SARNP: variants seen among roughly 807,000 people sequenced by gnomAD.
The protein encoded by SARNP is SAP domain-containing ribonucleoprotein.
In SARNP, 5 loss-of-function variants were observed where a neutral mutation model predicts 38.1. That is an observed-to-expected ratio of 0.13 (90% CI 0.07 to 0.28). The LOEUF (loss-of-function observed/expected upper bound fraction) is 0.28. Among genes scored for constraint, SARNP ranks in the 10% least tolerant of loss-of-function variants. The pLI, the probability that SARNP is intolerant of heterozygous loss-of-function variation, is 1.00. For missense variants in SARNP, 180 were observed against 243.9 expected (o/e 0.74, Z 1.75); for synonymous variants, 84 against 80.6 (o/e 1.04, Z -0.23).
chr12:55,800,826 G>A (rs752373390), intron 3 of SARNP, 28 bp downstream of exon 3: 12 of 1,596,852 alleles, frequency 7.5e-6, no homozygotes, highest in Non-Finnish European at 1.0e-5. Context: ...CACATTACCA[G>A]AGACTAACCT....
intron 9 of SARNP, among the ~76,000 whole-genome samples, chr12:55,772,875 C>T (rs971669439): frequency 6.6e-6 from 1 of 151,988 alleles, no homozygotes; most frequent in Non-Finnish European, 1.5e-5. Flanking sequence ...ACACCACGCC[C>T]GGCTAATTTT....
chr12:55,809,834 T>A (rs1880273099), intron 1 of SARNP, among the ~76,000 whole-genome samples: 1 of 152,142 alleles, frequency 6.6e-6, no homozygotes, highest in African/African-American at 2.4e-5. Context: ...CATCTCTGTA[T>A]AATGTGTATA....
In SARNP at chr12:55,772,802, C is replaced by T. The variant is rs139327209; in HGVS notation, c.502-12162G>A. On this transcript the variant is annotated intron_variant, in intron 9 of 10. Coordinates refer to ENST00000336133, the MANE Select transcript of SARNP (RefSeq NM_033082.4). ...TGATCTCAGCTCACCACAACCTTCA[C>T]CTCCCGGGTTCAAGTGATTCTCCTG... Among the ~76,000 whole-genome samples the T allele has an allele frequency of 6.4e-3, 962 of 150,768 alleles. 15 individuals are homozygous for T. The highest frequency in any genetic ancestry group is 0.022 in the African/African-American group (906 of 40,830).
At chr12:55,772,712 CTTT>C (rs11428581) in intron 9 of SARNP, among the ~76,000 whole-genome samples, 4 of 130,228 alleles carry the variant, frequency 3.1e-5, no homozygotes, top group African/African-American at 2.9e-5. Context: ...GAAGCTGAAA[CTTT>C]TTTTTTTTTT....
In SARNP at chr12:55,811,632, A is replaced by T. The variant is rs537898959; in HGVS notation, c.36+6034T>A. On this transcript the variant is annotated intron_variant, in intron 1 of 10. Coordinates refer to ENST00000336133, the MANE Select transcript of SARNP (RefSeq NM_033082.4). ...ACCACAGCTTGTAAATAGTAGACCA[A>T]TATGCCAGCTCAAGTGTCTCTGATT... 5.9e-5 allele frequency among the ~76,000 whole-genome samples: 9 copies of T among 152,316 alleles called. No individual in the cohort carries two copies. In the South Asian group the frequency reaches 1.7e-3, roughly 28 times the overall value.
chr12:55,795,927 T>G (rs1351262632), intron 5 of SARNP, 98 bp downstream of exon 5: 4 of 859,368 alleles, frequency 4.7e-6, no homozygotes, highest in Non-Finnish European at 3.7e-6. Context: ...ACTGATTTTC[T>G]GCCTGTGAAT....
chr12:55,799,916 A>G (rs1415974820), intron 4 of SARNP, among the ~76,000 whole-genome samples: 1 of 150,454 alleles, frequency 6.6e-6, no homozygotes, highest in Non-Finnish European at 1.5e-5. Flanking sequence ...TGGGCCGGGC[A>G]CGGTGGCTCA....
chr12:55,792,169 G>A (rs769609955), intron 7 of SARNP, among the ~76,000 whole-genome samples: 15 of 151,930 alleles, frequency 9.9e-5, no homozygotes, highest in Non-Finnish European at 1.8e-4. Context: ...ATGCAACTAA[G>A]AGCCAGAAAA....
At chr12:55,787,555 GC>G (rs1210193609) in intron 9 of SARNP, among the ~76,000 whole-genome samples, 5 of 151,886 alleles carry the variant, frequency 3.3e-5, no homozygotes, top group African/African-American at 7.3e-5. Flanking sequence ...TCCCACCTCA[GC>G]CCCCCAAGTA....
chr12:55,817,273 C>A (rs1166992773), intron 1 of SARNP, among the ~76,000 whole-genome samples: 1 of 152,076 alleles, frequency 6.6e-6, no homozygotes, highest in African/African-American at 2.4e-5. Context: ...CAGCTTCGGA[C>A]GACAGACTGG....
chr12:55,770,219 T>A (rs148502743), intron 9 of SARNP, among the ~76,000 whole-genome samples: 1,518 of 151,266 alleles, frequency 0.01, 14 homozygotes, highest in Non-Finnish European at 0.017. Context: ...CATCAGGTTA[T>A]AACTAGAATT....
chr12:55,794,394 A>G lies in SARNP; in HGVS notation c.378-7T>C. 6.2e-7 allele frequency: 1 copy of G among 1,606,264 alleles called. No individual in the cohort carries two copies. The highest frequency in any genetic ancestry group is 8.5e-7 in the Non-Finnish European group (1 of 1,178,084). Reference sequence around the variant, plus strand: ...AACTGAAGAAATCCCAAACCTGAAGAAGGAAAAACAAACTAAATTTTAGGA... The same window carrying G: ...AACTGAAGAAATCCCAAACCTGAAGGAGGAAAAACAAACTAAATTTTAGGA... On this transcript the variant is annotated splice_region_variant and splice_polypyrimidine_tract_variant and intron_variant, in intron 6 of 10. Transcript: ENST00000336133.
chr12:55,758,105 G>A (rs1453864600), intron 10 of SARNP, among the ~76,000 whole-genome samples: 1 of 152,136 alleles, frequency 6.6e-6, no homozygotes, highest in Non-Finnish European at 1.5e-5. Context: ...GTATGTGGGT[G>A]AGTCCCTATC....
chr12:55,760,815 T>C, intron 9 of SARNP, 175 bp from the exon 10 acceptor site: 1 of 556,142 alleles, frequency 1.8e-6, no homozygotes, highest in Non-Finnish European at 3.2e-6. Flanking sequence ...TATACTATGT[T>C]GTACCTAGAA....
intron 4 of SARNP, among the ~76,000 whole-genome samples, chr12:55,796,401 A>G (rs1879821616): frequency 6.6e-6 from 1 of 152,022 alleles, no homozygotes. Flanking sequence ...GGAACTTTTC[A>G]ATTTACTTTT....
chr12:55,800,443 C>T (rs1879944109), intron 4 of SARNP, 119 bp downstream of exon 4: 3 of 695,882 alleles, frequency 4.3e-6, no homozygotes, highest in South Asian at 4.4e-5. Context: ...AAAAAAATGA[C>T]CTAATCAGAA....
intron 1 of SARNP, among the ~76,000 whole-genome samples, chr12:55,808,585 C>A (rs1880227127): frequency 6.6e-6 from 1 of 152,122 alleles, no homozygotes; most frequent in Non-Finnish European, 1.5e-5. Context: ...ACATGAGCCA[C>A]CACGCCCAGC....
chr12:55,783,262 C>A (rs1337574078), intron 9 of SARNP, among the ~76,000 whole-genome samples: 2 of 143,696 alleles, frequency 1.4e-5, no homozygotes, highest in Non-Finnish European at 3.0e-5. Flanking sequence ...GGCAATCAAT[C>A]AGAGCAAACC....
chr12:55,789,137 A>T lies in SARNP; in HGVS notation c.439T>A (p.Leu147Met). The change falls in exon 9 of 11, where the codon TTG (leucine) becomes ATG (methionine). Residue 147 changes from leucine (L) to methionine (M), a missense_variant. Physicochemically the swap from Leu to Met is conservative, Grantham distance 15 (BLOSUM62 2). Around this residue, in one of 2 missense-constraint regions of SARNP, gnomAD observed 161 missense variants for 194.1 expected, o/e 0.83. Coordinates refer to ENST00000336133, the MANE Select transcript of SARNP (RefSeq NM_033082.4). ...TGAGCTCTTTCCTTCAGCTTATCCA[A>T]GTTAACCTATAAAAACATAGGGGAA... ...LSSDNKPMVNLDKLKERAQRF... is the reference protein window; with the variant it reads ...LSSDNKPMVNMDKLKERAQRF... 1 of 1,590,500 alleles carries T rather than the reference A, an allele frequency of 6.3e-7. No homozygotes were observed. Among genetic ancestry groups the T allele is most frequent in the Non-Finnish European group, 8.5e-7 (1 of 1,171,718 alleles).
Sources: gnomAD v4.1 joint callset for allele counts (sites outside exome capture counted in the v4.1 genomes callset) on GRCh38, gnomAD v4.1.1 for gene constraint, gnomAD v4.1.1 regional missense constraint, MANE v1.5 for transcripts, NCBI Gene and HGNC (gene_info 2026-07-23, HGNC 2026-07-21) for gene names.